The following SNX25 variants were observed in gnomAD, a reference collection of about 807,000 sequenced individuals.
The protein encoded by SNX25 is sorting nexin-25.
A neutral mutation model predicts 113.7 loss-of-function variants in SNX25; 62 were observed. The observed-to-expected ratio is 0.55, with a 90% CI of 0.44 to 0.67. SNX25 has a LOEUF of 0.67. SNX25 is among the 30% of genes least tolerant of loss of function. SNX25 has a pLI of 0.00. For synonymous variants in SNX25, 421 were observed against 436.2 expected (o/e 0.97, Z 0.43); for missense variants, 1,014 against 1,161.0 (o/e 0.87, Z 1.84).
chr4:185,262,006 G>T (rs1213652149), intron 3 of SNX25, among the ~76,000 whole-genome samples: 1 of 152,130 alleles, frequency 6.6e-6, no homozygotes, highest in Admixed American at 6.5e-5. Context: ...AGGTTTAATG[G>T]CAAATATCTG....
intron 2 of SNX25, among the ~76,000 whole-genome samples, chr4:185,254,144 C>CA (rs1481426021): frequency 6.6e-6 from 1 of 152,134 alleles, no homozygotes; most frequent in Non-Finnish European, 1.5e-5. Flanking sequence ...AAGCTCAACT[C>CA]ATCGAGTTCT....
chr4:185,316,452 T>A (rs1274377601), intron 7 of SNX25, among the ~76,000 whole-genome samples: 1 of 152,188 alleles, frequency 6.6e-6, no homozygotes, highest in Admixed American at 6.5e-5. Flanking sequence ...AACTGCACAG[T>A]GTTGCCTTCC....
Position 185,320,489 on chromosome 4 carries a change from G to C in SNX25, c.1345-244G>C, listed in dbSNP as rs1018546405. On this transcript the variant is annotated intron_variant, in intron 7 of 18. Transcript: ENST00000652585. ...CAGGGCCTATTGGGGGTGGGGGCAA[G>C]GGGAGAGAACTTAGAGGACTGGTCA... is the stretch of plus-strand genomic sequence containing the variant. Among the ~76,000 whole-genome samples the C allele has an allele frequency of 2.0e-5, 3 of 152,010 alleles. No individual in the cohort carries two copies. In the South Asian group the frequency reaches 6.2e-4, roughly 32 times the overall value.
chr4:185,228,236 A>G (rs1741309033), intron 1 of SNX25, among the ~76,000 whole-genome samples: 1 of 152,098 alleles, frequency 6.6e-6, no homozygotes, highest in African/African-American at 2.4e-5. Flanking sequence ...TGTCAGGGAG[A>G]GATATTTAAG....
Position 185,224,312 on chromosome 4 carries a change from T to C in SNX25, c.429+14057T>C, listed in dbSNP as rs1021305520. Among the ~76,000 whole-genome samples, 50 of 149,756 alleles carry C rather than the reference T, an allele frequency of 3.3e-4. No homozygotes were observed. The Admixed American group carries it at 3.4e-3, about 10-fold the overall frequency. On this transcript the variant is annotated intron_variant, in intron 1 of 18. Transcript: ENST00000652585. ...GTTGTAGTGAGCCGAGATTGCGCCATTGCACTCCAGCCTGGGCAACAAGAG... is the reference window on the plus strand; with the variant it reads ...GTTGTAGTGAGCCGAGATTGCGCCACTGCACTCCAGCCTGGGCAACAAGAG...
chr4:185,304,252 A>G (rs1011632424), intron 6 of SNX25, among the ~76,000 whole-genome samples: 4 of 152,226 alleles, frequency 2.6e-5, no homozygotes, highest in African/African-American at 9.7e-5. Context: ...TTTAGTGATC[A>G]CGGCTCACTG....
intron 1 of SNX25, among the ~76,000 whole-genome samples, chr4:185,219,547 A>G (rs950098360): frequency 3.9e-5 from 6 of 152,254 alleles, no homozygotes; most frequent in South Asian, 2.1e-4. Flanking sequence ...ACGACAGAGC[A>G]AGACTCCATC....
At chr4:185,375,921 G>A in the SNX25 span, among the ~76,000 whole-genome samples, 125 of 152,160 alleles carry the variant, frequency 8.2e-4, no homozygotes, top group African/African-American at 2.6e-3. Flanking sequence ...AGTAACAGGC[G>A]CACGATGAGC....
At chr4:185,240,713 C>T (rs1176893487) in intron 1 of SNX25, among the ~76,000 whole-genome samples, 1 of 151,958 alleles carries the variant, frequency 6.6e-6, no homozygotes, top group Admixed American at 6.6e-5. Context: ...CCCCACCTCC[C>T]TCCCAGACGG....
At chr4:185,371,983 G>A (rs1421443655), downstream of SNX25, among the ~76,000 whole-genome samples, 2 of 152,134 alleles carry the variant, frequency 1.3e-5, no homozygotes, top group Non-Finnish European at 2.9e-5. Flanking sequence ...CTGTCTCCCC[G>A]ACCCACTGCT....
At chr4:185,242,682 G>A (rs905119663) in intron 1 of SNX25, among the ~76,000 whole-genome samples, 1 of 152,124 alleles carries the variant, frequency 6.6e-6, no homozygotes, top group African/African-American at 2.4e-5. Context: ...GTCCTCTGGA[G>A]CTTTCCTTCC....
intron 7 of SNX25, among the ~76,000 whole-genome samples, chr4:185,319,092 T>A (rs1250338537): frequency 2.7e-4 from 8 of 29,414 alleles, no homozygotes; most frequent in Admixed American, 6.1e-4. Flanking sequence ...TTTTATTTTA[T>A]TTTTTTTATT....
rs1378267291 is a variant in SNX25, at chr4:185,209,776, G to A, written c.-51G>A. 2 of 983,974 alleles carry A rather than the reference G, an allele frequency of 2.0e-6. No individual in the cohort carries two copies. Among genetic ancestry groups the A allele is most frequent in the South Asian group, 4.7e-5 (1 of 21,294 alleles). 61.0% of individuals were successfully genotyped at this position (983,974 alleles called of 1,614,324 possible). A position where few individuals can be genotyped will look rare whatever the true frequency, so the allele number is the denominator to read the frequency against. ...TCCCCCTGCCTCCGGAGCGCCGGCG[G>A]GGGACCGGGGGGCAGGAGATGTGCC... On this transcript the variant is annotated 5_prime_UTR_variant, in exon 1 of 19. Coordinates refer to ENST00000652585, the MANE Select transcript of SNX25 (RefSeq NM_001378034.2). This position sits in a 1 kb window ranked among gnomAD's most constrained non-coding sequence, Gnocchi z 5.2.
At chr4:185,303,302 C>T (rs1354982188) in intron 6 of SNX25, among the ~76,000 whole-genome samples, 3 of 152,128 alleles carry the variant, frequency 2.0e-5, no homozygotes, top group Non-Finnish European at 2.9e-5. Flanking sequence ...CCTTTAAAAA[C>T]ATATTGCAAG....
intron 2 of SNX25, among the ~76,000 whole-genome samples, chr4:185,256,602 C>G (rs1172945784): frequency 2.0e-5 from 3 of 151,562 alleles, no homozygotes; most frequent in Admixed American, 6.6e-5. Context: ...AATCCCTCCC[C>G]CCAGAGAGCT....
intron 7 of SNX25, among the ~76,000 whole-genome samples, chr4:185,313,259 A>G (rs970772582): frequency 6.6e-6 from 1 of 152,242 alleles, no homozygotes; most frequent in African/African-American, 2.4e-5. Flanking sequence ...TAAGAGATCT[A>G]GAGCAGCTAC....
intron 14 of SNX25, 32 bp from the exon 15 acceptor site, chr4:185,353,453 A>G: frequency 2.6e-6 from 4 of 1,544,748 alleles, no homozygotes; most frequent in South Asian, 1.1e-5. Flanking sequence ...TGGATAAGTT[A>G]TCTGCTTCCT....
chr4:185,269,833 C>T (rs1579556623), intron 5 of SNX25, among the ~76,000 whole-genome samples: 1 of 152,122 alleles, frequency 6.6e-6, no homozygotes, highest in Non-Finnish European at 1.5e-5. Flanking sequence ...CCTCAGCCTT[C>T]CAAGTAGCTG....
At chr4:185,240,806 C>T (rs1302443674) in intron 1 of SNX25, among the ~76,000 whole-genome samples, 4 of 145,092 alleles carry the variant, frequency 2.8e-5, no homozygotes, top group Admixed American at 6.8e-5. Flanking sequence ...TCAGACGGGG[C>T]GGTTGCCAGG....
Sources: gnomAD v4.1 joint callset for allele counts (sites outside exome capture counted in the v4.1 genomes callset) on GRCh38, gnomAD v4.1.1 for gene constraint, Gnocchi (gnomAD v3.1) non-coding constraint, MANE v1.5 for transcripts, NCBI Gene and HGNC (gene_info 2026-07-23, HGNC 2026-07-21) for gene names.